Variants in SOBP observed in about 807,000 individuals in gnomAD.
SOBP encodes the protein sine oculis binding protein homolog.
SOBP carries 4 observed loss-of-function variants against 53.6 expected under a neutral mutation model. The ratio of observed to expected loss-of-function variants is 0.07; its 90% CI spans 0.04 to 0.17. The LOEUF is 0.17. Ranked by LOEUF, SOBP falls within the 10% of genes least tolerant of loss-of-function variation. The pLI, the probability that SOBP is intolerant of heterozygous loss-of-function variation, is 1.00. For synonymous variants in SOBP, 584 were observed against 522.6 expected, an observed-to-expected ratio of 1.12 and a Z score of -1.60; for missense variants, 1,088 against 1,204.7, an observed-to-expected ratio of 0.90 and a Z score of 1.43.
chr6:107,649,032 A>T lies in SOBP; in HGVS notation c.*4-9175A>T, dbSNP rs1365522286. Among the ~76,000 whole-genome samples, 4 of 151,850 alleles carry T rather than the reference A, an allele frequency of 2.6e-5. 1 individual carries two copies. In the East Asian group the frequency reaches 7.7e-4, roughly 29 times the overall value. On this transcript the variant is annotated intron_variant, in intron 6 of 6. Transcript: ENST00000317357. ...CATCTCTACAAAAAATTTAAAAATT[A>T]ACTGGGCATGCCTGTAGACCCAGCT...
intron 5 of SOBP, among the ~76,000 whole-genome samples, chr6:107,630,502 A>T (rs1019669857): frequency 6.6e-6 from 1 of 152,194 alleles, no homozygotes; most frequent in Admixed American, 6.5e-5. Flanking sequence ...CATTAGTTAG[A>T]TGTAGAATGA....
chr6:107,626,926 G>A (rs191149916), intron 5 of SOBP, among the ~76,000 whole-genome samples: 43 of 152,300 alleles, frequency 2.8e-4, no homozygotes, highest in Non-Finnish European at 3.7e-4. Context: ...AGGAGAGGAT[G>A]AGATGATCAC....
intron 4 of SOBP, among the ~76,000 whole-genome samples, chr6:107,578,876 C>T (rs1340662914): frequency 6.6e-6 from 1 of 152,108 alleles, no homozygotes; most frequent in East Asian, 1.9e-4. Context: ...CAGATAGGGT[C>T]CTGGAGTACA....
At chr6:107,658,033 G>GAAAC (rs111252722) in intron 6 of SOBP, among the ~76,000 whole-genome samples, 174 bp from the exon 7 acceptor site, 22 of 152,290 alleles carry the variant, frequency 1.4e-4, no homozygotes, top group African/African-American at 5.3e-4. Context: ...GACCGTGAAT[G>GAAAC]AAACTCCTGT....
chr6:107,586,362 C>T (rs927103481), intron 4 of SOBP, among the ~76,000 whole-genome samples: 2 of 152,196 alleles, frequency 1.3e-5, no homozygotes, highest in African/African-American at 4.8e-5. Context: ...TTCTCTCCCA[C>T]TCCAAACCAG....
At chr6:107,632,331 C>CA (rs1344820437) in intron 5 of SOBP, among the ~76,000 whole-genome samples, 92 of 148,680 alleles carry the variant, frequency 6.2e-4, no homozygotes, top group African/African-American at 2.0e-3. Flanking sequence ...GGCCCCCCCC[C>CA]AAAAAAAAGG....
At chr6:107,653,586 C>T (rs1217594314) in intron 6 of SOBP, among the ~76,000 whole-genome samples, 1 of 152,188 alleles carries the variant, frequency 6.6e-6, no homozygotes, top group Non-Finnish European at 1.5e-5. Context: ...ATAAATATGA[C>T]AGACATGGGG....
chr6:107,515,553 G>A (rs562884059), intron 3 of SOBP, among the ~76,000 whole-genome samples: 4 of 152,030 alleles, frequency 2.6e-5, no homozygotes, highest in Non-Finnish European at 4.4e-5. Context: ...GTTTGAGACC[G>A]GCCTGGGCAA....
At chr6:107,497,239 G>A (rs1183593754) in intron 1 of SOBP, among the ~76,000 whole-genome samples, 1 of 152,134 alleles carries the variant, frequency 6.6e-6, no homozygotes, top group African/African-American at 2.4e-5. Context: ...TTTCCCCCAT[G>A]CTTTATAAAT....
intron 4 of SOBP, among the ~76,000 whole-genome samples, chr6:107,536,738 T>C (rs541283298): frequency 3.9e-5 from 6 of 152,198 alleles, no homozygotes; most frequent in Non-Finnish European, 8.8e-5. Context: ...AAAATACTTC[T>C]ACTCAACACT....
chr6:107,492,464 C>T (rs1782603105), intron 1 of SOBP, among the ~76,000 whole-genome samples: 1 of 152,168 alleles, frequency 6.6e-6, no homozygotes, highest in African/African-American at 2.4e-5. Flanking sequence ...TTAATCAAAA[C>T]ATGTGAAATG....
At chr6:107,558,085 A>G (rs1469731498) in intron 4 of SOBP, 1 of 152,126 alleles carries the variant, frequency 6.6e-6, no homozygotes, top group Non-Finnish European at 1.5e-5. Context: ...AATTTCTACA[A>G]AATTTATGAT....
intron 3 of SOBP, among the ~76,000 whole-genome samples, chr6:107,509,643 G>C (rs1783107992): frequency 6.6e-6 from 1 of 152,118 alleles, no homozygotes; most frequent in Non-Finnish European, 1.5e-5. Context: ...ACCTGCCCTG[G>C]AGTTTCCTGC....
At chr6:107,649,163 CAAAAAAAAAAA>C (rs61034738) in intron 6 of SOBP, among the ~76,000 whole-genome samples, 1 of 40,406 alleles carries the variant, frequency 2.5e-5, no homozygotes, top group African/African-American at 1.1e-4. Context: ...CCCCCACTAC[CAAAAAAAAAAA>C]AAAAAAAAAA....
intron 6 of SOBP, among the ~76,000 whole-genome samples, chr6:107,638,276 C>G (rs924667935): frequency 1.3e-5 from 2 of 152,144 alleles, no homozygotes; most frequent in Non-Finnish European, 2.9e-5. Flanking sequence ...AGTGGCGCGA[C>G]CTTGGCTCAC....
At chr6:107,646,326 C>T (rs1188122173) in intron 6 of SOBP, among the ~76,000 whole-genome samples, 1 of 152,240 alleles carries the variant, frequency 6.6e-6, no homozygotes, top group African/African-American at 2.4e-5. Context: ...GGAAATCTCA[C>T]AATCAACAGA....
At chr6:107,610,768 A>G (rs925501641) in intron 5 of SOBP, among the ~76,000 whole-genome samples, 1 of 150,074 alleles carries the variant, frequency 6.7e-6, no homozygotes, top group Admixed American at 6.6e-5. Context: ...TTCTTTGCGC[A>G]TGTGTGTGTG....
At chr6:107,511,871 G>A (rs1783180046) in intron 3 of SOBP, 1 of 152,212 alleles carries the variant, frequency 6.6e-6, no homozygotes, top group African/African-American at 2.4e-5. Flanking sequence ...CCCTTGGTAT[G>A]GTTTGTGACA....
intron 4 of SOBP, among the ~76,000 whole-genome samples, chr6:107,550,622 A>G (rs991444599): frequency 9.9e-5 from 15 of 152,210 alleles, no homozygotes; most frequent in Non-Finnish European, 2.1e-4. Flanking sequence ...CCCGGGCACC[A>G]CAGGGTGACT....
Sources: gnomAD v4.1 joint callset for allele counts (sites outside exome capture counted in the v4.1 genomes callset) on GRCh38, gnomAD v4.1.1 for gene constraint, MANE v1.5 for transcripts, NCBI Gene and HGNC (gene_info 2026-07-23, HGNC 2026-07-21) for gene names.